The following SNTG2 variants were observed in gnomAD, a reference collection of about 807,000 sequenced individuals.
SNTG2 encodes syntrophin gamma 2.
SNTG2 carries 74 observed loss-of-function variants against 70.9 expected under a neutral mutation model. The ratio of observed to expected loss-of-function variants is 1.04; its 90% CI spans 0.86 to 1.27. SNTG2 has a LOEUF of 1.27. Ranked by LOEUF, SNTG2 falls within the 50% of genes most tolerant of loss-of-function variation. SNTG2 has a pLI of 0.00. For synonymous variants in SNTG2, 278 were observed against 273.8 expected, an observed-to-expected ratio of 1.02 and a Z score of -0.15; for missense variants, 717 against 690.7, an observed-to-expected ratio of 1.04 and a Z score of -0.43.
chr2:1,352,116 C>T (rs1288112610), intron 16 of SNTG2, among the ~76,000 whole-genome samples: 1 of 152,224 alleles, frequency 6.6e-6, no homozygotes, highest in Non-Finnish European at 1.5e-5. Flanking sequence ...TACACTCGTG[C>T]CTTGGTTCCT....
At position 1,132,264 on chromosome 2, in the gene SNTG2, T is replaced by C. The variant is rs374032328; in HGVS notation, c.326-5358T>C. On this transcript the variant is annotated intron_variant, in intron 4 of 16. Transcript: ENST00000308624. ...ATATATATACACACACACACACACATACATACACACATACATGCACAGGTT... is the reference window on the plus strand; with the variant it reads ...ATATATATACACACACACACACACACACATACACACATACATGCACAGGTT... Among the ~76,000 whole-genome samples, 519 of 140,920 alleles carry C rather than the reference T, an allele frequency of 3.7e-3. 7 individuals carry two copies. Among genetic ancestry groups the C allele is most frequent in the Non-Finnish European group, 4.8e-3 (300 of 62,382 alleles). The allele number at this position is 140,920 out of a possible 152,430, so 92.4% of individuals were successfully genotyped here.
chr2:1,051,441 A>C (rs1416222749), intron 1 of SNTG2, among the ~76,000 whole-genome samples: 1 of 152,166 alleles, frequency 6.6e-6, no homozygotes, highest in Non-Finnish European at 1.5e-5. Context: ...TTTGAGATTA[A>C]TCAATGATCA....
chr2:984,407 T>A (rs998981283), intron 1 of SNTG2, among the ~76,000 whole-genome samples: 1 of 152,084 alleles, frequency 6.6e-6, no homozygotes, highest in Admixed American at 6.5e-5. Context: ...TCTTCCAGCA[T>A]GAGGCTTTTT....
chr2:1,272,609 C>A (rs934228997), intron 14 of SNTG2, among the ~76,000 whole-genome samples: 4 of 148,144 alleles, frequency 2.7e-5, no homozygotes, highest in Admixed American at 6.7e-5. Context: ...AGAAAGGACA[C>A]CCCAGGGAAC....
intron 7 of SNTG2, among the ~76,000 whole-genome samples, chr2:1,168,578 A>G (rs77608114): frequency 0.025 from 3,786 of 152,342 alleles, 157 homozygotes; most frequent in African/African-American, 0.087. Flanking sequence ...GACTCATAGC[A>G]TGACTTCTGC....
intron 9 of SNTG2, among the ~76,000 whole-genome samples, chr2:1,218,721 A>G (rs993238601): frequency 5.3e-5 from 8 of 152,198 alleles, no homozygotes; most frequent in Non-Finnish European, 1.0e-4. Flanking sequence ...CTGGGGAAGC[A>G]GGTGGTATGA....
At chr2:1,007,058 A>AATAAATGT (rs1553307635) in intron 1 of SNTG2, among the ~76,000 whole-genome samples, 1 of 70,246 alleles carries the variant, frequency 1.4e-5, no homozygotes, top group African/African-American at 4.7e-5. Context: ...TAAATAAATA[A>AATAAATGT]ATGTGTATAT....
chr2:1,221,929 CTCTCTGTCTCTGTCTGTCTCTG>C lies in SNTG2; in HGVS notation c.719+12711_719+12732del, dbSNP rs1572771598. Among the ~76,000 whole-genome samples the C allele has an allele frequency of 6.9e-3, 117 of 16,858 alleles. 45 individuals are homozygous for C. Among genetic ancestry groups the C allele is most frequent in the Middle Eastern group, 0.048 (2 of 42 alleles). 11.1% of individuals were successfully genotyped at this position (16,858 alleles called of 152,430 possible). ...TCTCTGTCTCTGTCTCTCTCTGTCTCTCTCTGTCTCTGTCTGTCTCTGTCTCTGTCTCTCTCTGTCTCTGTCT... is the reference window on the plus strand; with the variant it reads ...TCTCTGTCTCTGTCTCTCTCTGTCTCTCTCTGTCTCTCTCTGTCTCTGTCT... On this transcript the variant is annotated intron_variant, in intron 9 of 16. Transcript: ENST00000308624.
chr2:1,131,921 A>T (rs1386272077), intron 4 of SNTG2, among the ~76,000 whole-genome samples: 2 of 152,110 alleles, frequency 1.3e-5, no homozygotes, highest in Non-Finnish European at 2.9e-5. Flanking sequence ...AAGTGCTGGG[A>T]TTATAGGCGT....
chr2:1,109,476 G>C (rs1666300297), intron 4 of SNTG2, among the ~76,000 whole-genome samples: 1 of 152,006 alleles, frequency 6.6e-6, no homozygotes, highest in African/African-American at 2.4e-5. Flanking sequence ...CTTTTTCATT[G>C]GATCTTCATA....
chr2:1,255,869 TATAA>T (rs1249422676), intron 12 of SNTG2, among the ~76,000 whole-genome samples: 2 of 77,906 alleles, frequency 2.6e-5, no homozygotes, highest in African/African-American at 7.9e-5. Flanking sequence ...TATAAATATA[TATAA>T]ATATATATAT....
chr2:1,217,336 T>C (rs1270270109), intron 9 of SNTG2, among the ~76,000 whole-genome samples: 1 of 152,176 alleles, frequency 6.6e-6, no homozygotes, highest in Non-Finnish European at 1.5e-5. Context: ...TTTGGTAAAA[T>C]GGGAACTATG....
chr2:1,309,094 A>T (rs13418575), intron 15 of SNTG2, among the ~76,000 whole-genome samples: 1 of 152,226 alleles, frequency 6.6e-6, no homozygotes, highest in Non-Finnish European at 1.5e-5. Flanking sequence ...GTTTTGTCAT[A>T]ATATTTTTTA....
Position 1,014,638 on chromosome 2 carries a change from G to C in SNTG2, c.72+63570G>C, listed in dbSNP as rs1291117009. On this transcript the variant is annotated intron_variant, in intron 1 of 16. Transcript: ENST00000308624. ...GGGATTTATAAGGACAGAGAGAAGG[G>C]TGGTCTGTAGAGGGATTTATATGGG... Among the ~76,000 whole-genome samples the C allele has an allele frequency of 2.9e-5, 4 of 138,496 alleles. 1 individual carries two copies. The South Asian group carries it at 9.3e-4, about 32-fold the overall frequency. The allele number at this position is 138,496 out of a possible 152,430, so 90.9% of individuals were successfully genotyped here.
intron 14 of SNTG2, among the ~76,000 whole-genome samples, chr2:1,295,293 G>A (rs980613891): frequency 3.3e-5 from 5 of 152,148 alleles, no homozygotes; most frequent in Non-Finnish European, 7.3e-5. Flanking sequence ...TTGAGGATCC[G>A]CCTCCTGTCT....
intron 15 of SNTG2, among the ~76,000 whole-genome samples, chr2:1,315,685 G>T (rs1246056367): frequency 6.6e-6 from 1 of 152,124 alleles, no homozygotes; most frequent in Non-Finnish European, 1.5e-5. Flanking sequence ...GATTTTTGCA[G>T]TAGTATTAAA....
At chr2:1,063,808 T>G (rs914208979) in intron 1 of SNTG2, among the ~76,000 whole-genome samples, 5 of 152,114 alleles carry the variant, frequency 3.3e-5, no homozygotes, top group African/African-American at 4.8e-5. Flanking sequence ...ACTTTCACAT[T>G]TATGGATAAT....
intron 14 of SNTG2, among the ~76,000 whole-genome samples, chr2:1,296,452 G>A (rs766371353): frequency 3.3e-5 from 5 of 152,226 alleles, no homozygotes; most frequent in East Asian, 1.9e-4. Context: ...TGGTGAGCAC[G>A]CCGCTACCTG....
chr2:1,132,780 G>T (rs189154220), intron 4 of SNTG2, among the ~76,000 whole-genome samples: 3 of 152,146 alleles, frequency 2.0e-5, no homozygotes, highest in African/African-American at 7.2e-5. Flanking sequence ...AACCAGACTA[G>T]AGGAAACGCC....
Sources: gnomAD v4.1 joint callset for allele counts (sites outside exome capture counted in the v4.1 genomes callset) on GRCh38, gnomAD v4.1.1 for gene constraint, MANE v1.5 for transcripts, NCBI Gene and HGNC (gene_info 2026-07-23, HGNC 2026-07-21) for gene names.